DOCK3: variants seen among roughly 807,000 people sequenced by gnomAD.
DOCK3 encodes dedicator of cytokinesis protein 3.
A neutral mutation model predicts 265.6 loss-of-function variants in DOCK3; 60 were observed. That is an observed-to-expected ratio of 0.23 (90% CI 0.18 to 0.28). DOCK3 has a LOEUF of 0.28. Ranked by LOEUF, DOCK3 falls within the 10% of genes least tolerant of loss-of-function variation. The pLI is 1.00. For missense variants in DOCK3, 1,981 were observed against 2,594.3 expected, an observed-to-expected ratio of 0.76 and a Z score of 5.14; for synonymous variants, 881 against 938.0, an observed-to-expected ratio of 0.94 and a Z score of 1.11.
intron 1 of DOCK3, among the ~76,000 whole-genome samples, chr3:50,772,911 T>C (rs958884783): frequency 1.3e-5 from 2 of 152,030 alleles, no homozygotes; most frequent in Non-Finnish European, 2.9e-5. Context: ...ACCAATGACA[T>C]TCTTCACAGA....
In DOCK3 at chr3:50,933,987, T is replaced by C. The variant is rs770988596; in HGVS notation, c.225T>C (p.Tyr75=). ...TTTGTGGCTCTGGTTCTAGGCAGTA[T>C]GAAACTGTGGTTCCACTTGAAGATT... is the stretch of plus-strand genomic sequence containing the variant. The part of the protein sequence containing the change: ...KKAIVSNRGQ[Y]ETVVPLEDSI... Residue 75 remains tyrosine (Y), a synonymous_variant, in exon 5 of 53, where the codon TAT becomes TAC. Coordinates refer to ENST00000266037, the MANE Select transcript of DOCK3 (RefSeq NM_004947.5). 4 of 1,603,474 alleles carry C rather than the reference T, an allele frequency of 2.5e-6. No homozygotes were observed. Among genetic ancestry groups the C allele is most frequent in the Non-Finnish European group, 3.4e-6 (4 of 1,174,000 alleles).
At chr3:51,291,958 A>T (rs1046466219) in intron 27 of DOCK3, among the ~76,000 whole-genome samples, 1 of 152,226 alleles carries the variant, frequency 6.6e-6, no homozygotes, top group Middle Eastern at 3.2e-3. Context: ...CAGATCAATA[A>T]ATGTGATTCA....
intron 38 of DOCK3, 146 bp from the exon 39 acceptor site, chr3:51,348,706 A>G (rs529393840): frequency 1.1e-5 from 8 of 738,398 alleles, no homozygotes; most frequent in South Asian, 3.4e-5. Context: ...ATGCCCCCCA[A>G]ATTGGTCTTG....
chr3:50,771,726 CT>C (rs2041288438), intron 1 of DOCK3, among the ~76,000 whole-genome samples: 1 of 152,064 alleles, frequency 6.6e-6, no homozygotes, highest in African/African-American at 2.4e-5. Flanking sequence ...TGGCGGGCGC[CT>C]GTAGTCCCAG....
intron 12 of DOCK3, among the ~76,000 whole-genome samples, chr3:51,199,388 C>T (rs968120923): frequency 6.6e-6 from 1 of 152,226 alleles, no homozygotes; most frequent in Admixed American, 6.5e-5. Flanking sequence ...GAGATTATAT[C>T]CTGCACCTGG....
At chr3:50,844,509 C>T (rs552032523) in intron 3 of DOCK3, among the ~76,000 whole-genome samples, 1 of 152,304 alleles carries the variant, frequency 6.6e-6, no homozygotes, top group Admixed American at 6.5e-5. Flanking sequence ...ACATGAGCCA[C>T]CGTGCCTGGC....
intron 3 of DOCK3, chr3:50,877,389 G>T (rs182912358): frequency 3.9e-6 from 2 of 517,738 alleles, no homozygotes; most frequent in African/African-American, 3.8e-5. Context: ...TATGGTCAGG[G>T]TCAAGATTAT....
intron 9 of DOCK3, among the ~76,000 whole-genome samples, chr3:51,117,756 T>C (rs1338576710): frequency 6.6e-6 from 1 of 152,214 alleles, no homozygotes; most frequent in Admixed American, 6.5e-5. Context: ...CTTTTAGGTG[T>C]TTATAGTATT....
At chr3:50,742,115 A>G (rs1322044774) in intron 1 of DOCK3, among the ~76,000 whole-genome samples, 3 of 152,128 alleles carry the variant, frequency 2.0e-5, no homozygotes, top group African/African-American at 7.2e-5. Context: ...CACTTTTTGA[A>G]CAGACCTGCA....
intron 39 of DOCK3, 70 bp downstream of exon 39, chr3:51,349,008 C>A (rs775935535): frequency 7.3e-7 from 1 of 1,367,388 alleles, no homozygotes; most frequent in Non-Finnish European, 1.0e-6. Flanking sequence ...TCTCTATGGG[C>A]CCAGCCCTTA....
At chr3:50,695,534 A>G (rs1473198392) in intron 1 of DOCK3, among the ~76,000 whole-genome samples, 4 of 152,206 alleles carry the variant, frequency 2.6e-5, no homozygotes, top group Non-Finnish European at 5.9e-5. Context: ...AATTAATATC[A>G]GATGTAATCT....
intron 1 of DOCK3, among the ~76,000 whole-genome samples, chr3:50,776,505 G>C (rs962089965): frequency 2.6e-5 from 4 of 151,756 alleles, no homozygotes; most frequent in Non-Finnish European, 5.9e-5. Flanking sequence ...ATAGTTTGCA[G>C]ATATTTTCTT....
At chr3:51,124,854 A>G (rs1292275421) in intron 9 of DOCK3, among the ~76,000 whole-genome samples, 2 of 151,462 alleles carry the variant, frequency 1.3e-5, no homozygotes. Context: ...ATAAGGCTGG[A>G]TGTGGTGGCT....
intron 5 of DOCK3, among the ~76,000 whole-genome samples, chr3:51,000,264 T>A (rs952439266): frequency 6.6e-6 from 1 of 152,234 alleles, no homozygotes; most frequent in Non-Finnish European, 1.5e-5. Flanking sequence ...CCAGCCACTT[T>A]TTCAGCCTAT....
At chr3:51,221,659 C>A (rs745826781) in intron 14 of DOCK3, among the ~76,000 whole-genome samples, 1 of 152,164 alleles carries the variant, frequency 6.6e-6, no homozygotes, top group Non-Finnish European at 1.5e-5. Flanking sequence ...AAACTCAAAT[C>A]GTTCCACTTC....
chr3:50,780,699 A>G (rs2041863732), intron 2 of DOCK3, among the ~76,000 whole-genome samples: 1 of 152,024 alleles, frequency 6.6e-6, no homozygotes. Flanking sequence ...AAAGTTCAAT[A>G]TTTTCCTTCT....
intron 3 of DOCK3, among the ~76,000 whole-genome samples, chr3:50,846,191 G>A (rs142111500): frequency 3.2e-4 from 48 of 152,276 alleles, no homozygotes; most frequent in Non-Finnish European, 5.1e-4. Context: ...GACTAATGGA[G>A]GTCATAGTTG....
In DOCK3 at chr3:51,015,625, A is replaced by G. The variant is rs77325548; in HGVS notation, c.316-48823A>G. Among the ~76,000 whole-genome samples the G allele has an allele frequency of 8.0e-3, 1,171 of 146,822 alleles. 7 individuals are homozygous for G. The highest frequency in any genetic ancestry group is 0.02 in the South Asian group (92 of 4,692). ...GTGTCTTTGCTTTTGGTATTAGGGT[A>G]ATCCTGACCTTGTAGAATGAGTTTG... On this transcript the variant is annotated intron_variant, in intron 5 of 52. Transcript: ENST00000266037.
At chr3:51,292,121 C>A (rs12715446) in intron 27 of DOCK3, among the ~76,000 whole-genome samples, 4 of 152,066 alleles carry the variant, frequency 2.6e-5, no homozygotes, top group Admixed American at 6.5e-5. Flanking sequence ...TATGATAAGC[C>A]CATAGTTAAC....
Sources: gnomAD v4.1 joint callset for allele counts (sites outside exome capture counted in the v4.1 genomes callset) on GRCh38, gnomAD v4.1.1 for gene constraint, MANE v1.5 for transcripts, NCBI Gene and HGNC (gene_info 2026-07-23, HGNC 2026-07-21) for gene names.